The following PKIG variants were observed in gnomAD, a reference collection of about 807,000 sequenced individuals.
The protein encoded by PKIG is cAMP-dependent protein kinase inhibitor gamma.
PKIG carries 1 observed loss-of-function variant against 6.8 expected under a neutral mutation model. That is an observed-to-expected ratio of 0.15 (90% confidence interval 0.05 to 0.69). PKIG has a LOEUF of 0.69. Among genes scored for constraint, PKIG ranks in the 30% least tolerant of loss-of-function variants. The probability of loss-of-function intolerance (pLI) is 0.82; values close to 1 mark genes in which losing one functional copy is unlikely to be tolerated. For synonymous variants in PKIG, 39 were observed against 43.0 expected (o/e 0.91, Z 0.36); for missense variants, 77 against 104.0 (o/e 0.74, Z 1.13).
At chr20:44,554,699 A>G (rs1459357782) in intron 1 of PKIG, among the ~76,000 whole-genome samples, 4 of 152,210 alleles carry the variant, frequency 2.6e-5, no homozygotes, top group Non-Finnish European at 4.4e-5. Flanking sequence ...TGTTTTTAGC[A>G]GAGGACAAAC....
At chr20:44,603,675 A>G (rs1278678505) in intron 2 of PKIG, among the ~76,000 whole-genome samples, 2 of 152,210 alleles carry the variant, frequency 1.3e-5, no homozygotes, top group Admixed American at 1.3e-4. Context: ...AGGCTTGTCT[A>G]GATGAGCTCT....
chr20:44,557,121 T>C (rs2064719638), intron 1 of PKIG, among the ~76,000 whole-genome samples: 1 of 152,238 alleles, frequency 6.6e-6, no homozygotes, highest in Non-Finnish European at 1.5e-5. Context: ...TAGAGTAATC[T>C]ATACTTAATG....
intron 1 of PKIG, among the ~76,000 whole-genome samples, chr20:44,537,784 C>T (rs2064526174): frequency 6.7e-6 from 1 of 149,282 alleles, no homozygotes; most frequent in Non-Finnish European, 1.5e-5. Flanking sequence ...CAGGGTTTCA[C>T]CATATTGGCC....
At chr20:44,599,980 A>C (rs1300123934) in intron 2 of PKIG, among the ~76,000 whole-genome samples, 2 of 152,132 alleles carry the variant, frequency 1.3e-5, no homozygotes, top group African/African-American at 2.4e-5. Flanking sequence ...GGGCAGAGGA[A>C]CTCAGGAGGC....
intron 1 of PKIG, among the ~76,000 whole-genome samples, chr20:44,544,550 A>T (rs753941851): frequency 2.0e-5 from 3 of 152,144 alleles, no homozygotes; most frequent in African/African-American, 4.8e-5. Flanking sequence ...AAGTGGTCGC[A>T]CGTGTTGGCT....
At chr20:44,569,998 G>A (rs1268497583) in intron 1 of PKIG, among the ~76,000 whole-genome samples, 5 of 152,164 alleles carry the variant, frequency 3.3e-5, no homozygotes, top group Non-Finnish European at 7.3e-5. Context: ...GAATGGTGGT[G>A]CATGCCTGTA....
At chr20:44,604,119 C>T (rs1258814625) in intron 2 of PKIG, among the ~76,000 whole-genome samples, 3 of 152,154 alleles carry the variant, frequency 2.0e-5, no homozygotes, top group East Asian at 1.9e-4. Flanking sequence ...GATGATGAAG[C>T]GTAACTGAGG....
chr20:44,548,106 G>T (rs1019624398), intron 1 of PKIG, among the ~76,000 whole-genome samples: 1 of 152,078 alleles, frequency 6.6e-6, no homozygotes, highest in African/African-American at 2.4e-5. Context: ...TTGAACTTGG[G>T]AGGTGGAGGT....
chr20:44,556,432 G>A (rs1029328744), intron 1 of PKIG, among the ~76,000 whole-genome samples: 1 of 151,856 alleles, frequency 6.6e-6, no homozygotes, highest in African/African-American at 2.4e-5. Flanking sequence ...GCGCGATCTC[G>A]GCTCACTGCA....
At chr20:44,536,442 T>C (rs928285841) in intron 1 of PKIG, among the ~76,000 whole-genome samples, 1 of 152,032 alleles carries the variant, frequency 6.6e-6, no homozygotes, top group Non-Finnish European at 1.5e-5. Context: ...AAAAGGGCAG[T>C]GGCAGCGGAA....
At chr20:44,562,579 G>A (rs2064776483) in intron 1 of PKIG, among the ~76,000 whole-genome samples, 2 of 143,754 alleles carry the variant, frequency 1.4e-5, no homozygotes, top group African/African-American at 5.2e-5. Context: ...TCCAGCCTAG[G>A]GGACACAGTG....
intron 1 of PKIG, among the ~76,000 whole-genome samples, chr20:44,587,962 G>A (rs2065004048): frequency 6.6e-6 from 1 of 152,176 alleles, no homozygotes; most frequent in Admixed American, 6.5e-5. Context: ...CATTATGCAA[G>A]GTGCGGTGGG....
At chr20:44,601,355 G>A (rs764810545) in intron 2 of PKIG, among the ~76,000 whole-genome samples, 1 of 152,268 alleles carries the variant, frequency 6.6e-6, no homozygotes, top group African/African-American at 2.4e-5. Flanking sequence ...TGCCCAGGCA[G>A]GCGACAGGCT....
intron 1 of PKIG, among the ~76,000 whole-genome samples, chr20:44,563,096 A>G (rs2064781487): frequency 6.6e-6 from 1 of 152,210 alleles, no homozygotes; most frequent in Non-Finnish European, 1.5e-5. Flanking sequence ...CTCTTCCCTT[A>G]AAGAAGACTA....
chr20:44,539,232 G>A (rs941385842), intron 1 of PKIG, among the ~76,000 whole-genome samples: 15 of 151,620 alleles, frequency 9.9e-5, no homozygotes, highest in African/African-American at 3.1e-4. Context: ...CATCATGCCC[G>A]GCCTGCCCAA....
At chr20:44,593,401 AC>A (rs2065050342) in intron 2 of PKIG, among the ~76,000 whole-genome samples, 1 of 150,606 alleles carries the variant, frequency 6.6e-6, no homozygotes, top group African/African-American at 2.5e-5. Flanking sequence ...ACACACACAC[AC>A]ACACACACAC....
chr20:44,588,959 A>T (rs2065012312), intron 1 of PKIG, among the ~76,000 whole-genome samples: 1 of 152,240 alleles, frequency 6.6e-6, no homozygotes, highest in African/African-American at 2.4e-5. Context: ...AGAAATAGAT[A>T]ATGTACAAAG....
intron 2 of PKIG, among the ~76,000 whole-genome samples, chr20:44,596,115 C>T (rs2065073197): frequency 6.6e-6 from 1 of 152,122 alleles, no homozygotes; most frequent in African/African-American, 2.4e-5. Flanking sequence ...GATACAGTGA[C>T]AAACAAGAAA....
At chr20:44,606,650 A>G (rs1032145787) in intron 2 of PKIG, among the ~76,000 whole-genome samples, 1 of 152,176 alleles carries the variant, frequency 6.6e-6, no homozygotes, top group African/African-American at 2.4e-5. Context: ...CTCTCCCAAA[A>G]ATATAAAAAT....
Sources: allele counts gnomAD v4.1 joint callset (sites outside exome capture counted in the v4.1 genomes callset), GRCh38; gene constraint gnomAD v4.1.1; transcripts MANE v1.5; gene names NCBI Gene and HGNC (gene_info 2026-07-23, HGNC 2026-07-21).